MUC5B: variants seen among roughly 807,000 people sequenced by gnomAD.
The protein encoded by MUC5B is mucin-5B.
In MUC5B, 116 loss-of-function variants were observed where a neutral mutation model predicts 376.9. The ratio of observed to expected loss-of-function variants is 0.31; its 90% CI spans 0.26 to 0.36. The LOEUF (loss-of-function observed/expected upper bound fraction) is 0.36, where lower values mean the gene tolerates loss of function less well. MUC5B is among the 10% of genes least tolerant of loss of function. The pLI, the probability that MUC5B is intolerant of heterozygous loss-of-function variation, is 1.00. For missense variants in MUC5B, 7,165 were observed against 7,769.9 expected (o/e 0.92, Z 2.93); for synonymous variants, 3,517 against 3,390.9 (o/e 1.04, Z -1.29).
Position 1,229,820 on chromosome 11 carries a change from C to T in MUC5B, c.1220+13C>T. 6.3e-7 allele frequency: 1 copy of T among 1,581,050 alleles called. No individual in the cohort carries two copies. The highest frequency in any genetic ancestry group is 8.6e-7 in the Non-Finnish European group (1 of 1,165,030). The stretch of plus-strand genomic sequence containing the variant: ...CCTGCAGCTCCTGGTACTTATGAGC[C>T]CACCAGCCTCCGCCTGGGGTGGGGT... On this transcript the variant is annotated intron_variant, in intron 10 of 48. Transcript: ENST00000529681.
Position 1,244,214 on chromosome 11 carries a change from C to A in MUC5B, c.7334C>A (p.Thr2445Lys), listed in dbSNP as rs756364374. 3.7e-6 allele frequency: 6 copies of A among 1,612,072 alleles called. No individual in the cohort carries two copies. The highest frequency in any genetic ancestry group is 3.3e-5 in the Admixed American group (2 of 59,954). ...ILTELTTTAT[T>K]TESTGSTATP... ...ACAGAGCTGACCACAACAGCCACTA[C>A]GACTGAGTCCACTGGATCCACGGCC... The change falls in exon 31 of 49, where the codon ACG (threonine) becomes AAG (lysine). Residue 2445 changes from threonine (T) to lysine (K), a missense_variant. This residue lies in a region of MUC5B where 194 missense variants were observed against 268.5 expected (regional missense o/e 0.72). Transcript: ENST00000529681.
intron 34 of MUC5B, 116 bp from the exon 35 acceptor site, chr11:1,254,578 G>A: frequency 1.6e-6 from 2 of 1,260,610 alleles, no homozygotes; most frequent in South Asian, 1.5e-5. Flanking sequence ...GGGCTTTGGG[G>A]TGGGGGATAC....
rs1442277834 is a variant in MUC5B at position 1,241,910 on chromosome 11, C to T, written c.5030C>T (p.Pro1677Leu). The change falls in exon 31 of 49, where the codon CCT (proline) becomes CTT (leucine). Residue 1677 changes from proline (P) to leucine (L), a missense_variant. Physicochemically the swap from Pro to Leu is moderately conservative, Grantham distance 98. Transcript: ENST00000529681. ...GTATTGGPTTPAGSTEPTVPG... is the reference protein window; with the variant it reads ...GTATTGGPTTLAGSTEPTVPG... ...GCCACCACGGGAGGCCCCACGACGCCTGCAGGCTCCACAGAACCCACTGTC... is the reference window on the plus strand; with the variant it reads ...GCCACCACGGGAGGCCCCACGACGCTTGCAGGCTCCACAGAACCCACTGTC... The T allele has an allele frequency of 6.2e-7, 1 of 1,610,422 alleles. No individual in the cohort carries two copies. Among genetic ancestry groups the T allele is most frequent in the East Asian group, 2.2e-5 (1 of 44,674 alleles).
rs1168439959 is a variant in MUC5B, at chr11:1,248,877, C to A, written c.11997C>A (p.Thr3999=). The A allele has an allele frequency of 1.3e-6, 2 of 1,548,532 alleles. No homozygotes were observed. The highest frequency in any genetic ancestry group is 2.8e-5 in the African/African-American group (2 of 72,282). The part of the protein sequence containing the change: ...TVTPSSALGT[T]HTPPVPNTTA... ...CTCCCTCCTCTGCCCTAGGGACCAC[C>A]CACACACCCCCAGTGCCGAACACCA... is the stretch of plus-strand genomic sequence containing the variant. The change falls in exon 31 of 49, where the codon ACC becomes ACA. Residue 3999 remains threonine (T), a synonymous_variant. Coordinates refer to ENST00000529681, the MANE Select transcript of MUC5B (RefSeq NM_002458.3).
chr11:1,250,956 C>A lies in MUC5B; in HGVS notation c.14076C>A (p.Ser4692=). 1 of 1,610,836 alleles carries A rather than the reference C, an allele frequency of 6.2e-7. No individual in the cohort carries two copies. The highest frequency in any genetic ancestry group is 8.5e-7 in the Non-Finnish European group (1 of 1,178,210). Reference sequence around the variant, plus strand: ...CCACTACGATCACGGCCACCGGCTCCACCACCAACCCCTCCTCAACTCCAG... The same window carrying A: ...CCACTACGATCACGGCCACCGGCTCAACCACCAACCCCTCCTCAACTCCAG... ...TTATTITATG[S]TTNPSSTPGT... Residue 4692 remains serine (S), a synonymous_variant, in exon 31 of 49, where the codon TCC becomes TCA. Transcript: ENST00000529681.
chr11:1,246,352 C>G lies in MUC5B; in HGVS notation c.9472C>G (p.Pro3158Ala), dbSNP rs369348735. ...TGPTATPSST[P>A]GTTWILTEPS... ...CCCCACGGCCACCCCGTCCTCCACC[C>G]CAGGGACCACCTGGATCCTCACAGA... Residue 3158 changes from proline to alanine, a missense_variant, in exon 31 of 49, where the codon CCA (proline) becomes GCA (alanine). Around this residue, in one of 31 missense-constraint regions of MUC5B, gnomAD observed 939 missense variants for 770.6 expected, o/e 1.22. Transcript: ENST00000529681. The G allele has an allele frequency of 6.7e-5, 107 of 1,604,118 alleles. No homozygotes were observed. In the East Asian group the frequency reaches 1.2e-3, roughly 18 times the overall value.
chr11:1,249,102 G>A lies in MUC5B; in HGVS notation c.12222G>A (p.Arg4074=), dbSNP rs369114115. Residue 4074 remains arginine, a synonymous_variant, in exon 31 of 49, where the codon AGG becomes AGA. Coordinates refer to ENST00000529681, the MANE Select transcript of MUC5B (RefSeq NM_002458.3). The part of the protein sequence containing the change: ...PALSSPHPSS[R]TTESPPSPGT... Reference sequence around the variant, plus strand: ...TGTCCAGCCCTCACCCTAGCAGCAGGACCACCGAGTCACCCCCTTCCCCAG... The same window carrying A: ...TGTCCAGCCCTCACCCTAGCAGCAGAACCACCGAGTCACCCCCTTCCCCAG... 1.2e-5 allele frequency: 20 copies of A among 1,607,512 alleles called. No individual in the cohort carries two copies. Among genetic ancestry groups the A allele is most frequent in the African/African-American group, 5.4e-5 (4 of 73,410 alleles).
chr11:1,232,646 C>A lies in MUC5B; in HGVS notation c.1941C>A (p.Asn647Lys). The A allele has an allele frequency of 6.2e-7, 1 of 1,602,254 alleles. No homozygotes were observed. The change falls in exon 17 of 49, where the codon AAC (asparagine) becomes AAA (lysine). Residue 647 changes from asparagine (N) to lysine (K), a missense_variant and splice_region_variant. Coordinates refer to ENST00000529681, the MANE Select transcript of MUC5B (RefSeq NM_002458.3). ...SIINPKPFHS[N>K]CMFDTCNCER... is the part of the protein sequence containing the mutation. Reference sequence around the variant, plus strand: ...CCCGATGCCTCCCACCTCCGCAGAACTGCATGTTTGACACCTGCAACTGTG... The same window carrying A: ...CCCGATGCCTCCCACCTCCGCAGAAATGCATGTTTGACACCTGCAACTGTG...
Position 1,257,979 on chromosome 11 carries a change from C to G in MUC5B, c.16451-120C>G. 2 of 1,084,786 alleles carry G rather than the reference C, an allele frequency of 1.8e-6. No individual in the cohort carries two copies. The highest frequency in any genetic ancestry group is 2.7e-6 in the Non-Finnish European group (2 of 746,308). The allele number at this position is 1,084,786 out of a possible 1,614,324, so 67.2% of individuals were successfully genotyped here. A position where few individuals can be genotyped will look rare whatever the true frequency, so the allele number is the denominator to read the frequency against. Reference sequence around the variant, plus strand: ...CCAAGCAAGGGGCCTGGAGGGAGCCCCCAGGGGCTGTGAAGCGGTCAGGTC... The same window carrying G: ...CCAAGCAAGGGGCCTGGAGGGAGCCGCCAGGGGCTGTGAAGCGGTCAGGTC... On this transcript the variant is annotated intron_variant, in intron 41 of 48. Coordinates refer to ENST00000529681, the MANE Select transcript of MUC5B (RefSeq NM_002458.3). The surrounding 1 kb of genome is among the most constrained non-coding windows in gnomAD (Gnocchi z 8.9).
intron 26 of MUC5B, 154 bp downstream of exon 26, chr11:1,239,181 A>G: frequency 9.7e-7 from 1 of 1,030,818 alleles, no homozygotes; most frequent in South Asian, 1.5e-5. Flanking sequence ...GTTTCTATGC[A>G]CAGAGGAAGA....
Position 1,227,065 on chromosome 11 carries a change from G to A in MUC5B, c.496G>A (p.Val166Met). Residue 166 changes from valine (V) to methionine (M), a missense_variant, in exon 5 of 49, where the codon GTG becomes ATG. Around this residue, in one of 31 missense-constraint regions of MUC5B, gnomAD observed 640 missense variants for 733.0 expected, o/e 0.87. Transcript: ENST00000529681. Reference sequence around the variant, plus strand: ...GCCTTACAGCCGCACTGGCCTCCTGGTGGAGCAGAGCGGGGACTACATCAA... The same window carrying A: ...GCCTTACAGCCGCACTGGCCTCCTGATGGAGCAGAGCGGGGACTACATCAA... ...ELPYSRTGLL[V>M]EQSGDYIKVS... The A allele has an allele frequency of 6.2e-7, 1 of 1,612,204 alleles. No homozygotes were observed. The highest frequency in any genetic ancestry group is 8.5e-7 in the Non-Finnish European group (1 of 1,179,562).
At position 1,250,333 on chromosome 11, in the gene MUC5B, G is replaced by C; in HGVS notation, c.13453G>C (p.Ala4485Pro). 6.2e-7 allele frequency: 1 copy of C among 1,612,388 alleles called. No individual in the cohort carries two copies. The highest frequency in any genetic ancestry group is 8.5e-7 in the Non-Finnish European group (1 of 1,179,338). The change falls in exon 31 of 49, where the codon GCC becomes CCC. Residue 4485 changes from alanine (A) to proline (P), a missense_variant. By Grantham distance (27) the Ala-to-Pro change is conservative. Transcript: ENST00000529681. ...TGGCACCCCACATGTGAGCACCACG[G>C]CCACGACACCCACAGTCACCAGCTC... ...TAGTPHVSTT[A>P]TTPTVTSSKA...
At position 1,233,242 on chromosome 11, in the gene MUC5B, G is replaced by A. The variant is rs1862074906; in HGVS notation, c.2295G>A (p.Glu765=). 7 of 1,584,524 alleles carry A rather than the reference G, an allele frequency of 4.4e-6. No individual in the cohort carries two copies. Among genetic ancestry groups the A allele is most frequent in the Non-Finnish European group, 6.0e-6 (7 of 1,167,512 alleles). ...ACGGCACCGTGCTGGCTCCTGGAGA[G>A]GTGGTGCACGACGAGGGCGCCGTGT... ...YAHGTVLAPG[E]VVHDEGAVCS... The change falls in exon 18 of 49, where the codon GAG becomes GAA. Residue 765 remains glutamate, a synonymous_variant. Coordinates refer to ENST00000529681, the MANE Select transcript of MUC5B (RefSeq NM_002458.3).
chr11:1,252,397 G>A lies in MUC5B; in HGVS notation c.14918G>A (p.Cys4973Tyr). The change falls in exon 32 of 49, where the codon TGC (cysteine) becomes TAC (tyrosine). Residue 4973 changes from cysteine (C) to tyrosine (Y), a missense_variant. Physicochemically the swap from Cys to Tyr is radical, Grantham distance 194. Transcript: ENST00000529681. ...GCCGGCTGCCATTTCTACGCAGTGTGCAATCAGCACTGTGACATTGACCGC... is the reference window on the plus strand; with the variant it reads ...GCCGGCTGCCATTTCTACGCAGTGTACAATCAGCACTGTGACATTGACCGC... The part of the protein sequence containing the change: ...DRAGCHFYAV[C>Y]NQHCDIDRFQ... 1 of 1,608,208 alleles carries A rather than the reference G, an allele frequency of 6.2e-7. No individual in the cohort carries two copies. Among genetic ancestry groups the A allele is most frequent in the Non-Finnish European group, 8.5e-7 (1 of 1,177,506 alleles).
chr11:1,255,528 G>A lies in MUC5B; in HGVS notation c.16036G>A (p.Asp5346Asn). Reference sequence around the variant, plus strand: ...CTGCCGCGCCCGGGGAGTGTGCAGTGACTGGCGAGGTGCAACCGGTGGCCT... The same window carrying A: ...CTGCCGCGCCCGGGGAGTGTGCAGTAACTGGCGAGGTGCAACCGGTGGCCT... ...ELCRARGVCS[D>N]WRGATGGLCD... Residue 5346 changes from aspartate (D) to asparagine (N), a missense_variant, in exon 37 of 49, where the codon GAC becomes AAC. Physicochemically the swap from Asp to Asn is conservative, Grantham distance 23. Coordinates refer to ENST00000529681, the MANE Select transcript of MUC5B (RefSeq NM_002458.3). The A allele has an allele frequency of 6.5e-7, 1 of 1,542,864 alleles. No homozygotes were observed. Among genetic ancestry groups the A allele is most frequent in the Non-Finnish European group, 8.8e-7 (1 of 1,141,780 alleles).
At position 1,242,841 on chromosome 11, in the gene MUC5B, C is replaced by G. The variant is rs1207324583; in HGVS notation, c.5961C>G (p.Ser1987=). The G allele has an allele frequency of 6.2e-7, 1 of 1,613,400 alleles. No homozygotes were observed. The highest frequency in any genetic ancestry group is 8.5e-7 in the Non-Finnish European group (1 of 1,179,668). ...GCGTTACACCCATCCCCTCTTCCTC[C>G]CTGGGCACCACCTGGACCCGCCTAT... ...ATSVTPIPSS[S]LGTTWTRLSQ... Residue 1987 remains serine (S), a synonymous_variant, in exon 31 of 49, where the codon TCC becomes TCG. Transcript: ENST00000529681.
intron 13 of MUC5B, 81 bp from the exon 14 acceptor site, chr11:1,231,342 C>T (rs1352071014): frequency 1.4e-6 from 2 of 1,478,192 alleles, no homozygotes; most frequent in Non-Finnish European, 1.8e-6. Context: ...GGTGGCCCGG[C>T]CCACTGGATG....
chr11:1,239,616 G>A, intron 27 of MUC5B, 50 bp downstream of exon 27: 4 of 1,530,638 alleles, frequency 2.6e-6, no homozygotes, highest in Non-Finnish European at 3.5e-6. Flanking sequence ...GGGTTCCCGA[G>A]TGTACGTGGG....
rs201746407 is a variant in MUC5B at position 1,257,533 on chromosome 11, G to A, written c.16273G>A (p.Gly5425Arg). The change falls in exon 41 of 49, where the codon GGG becomes AGG. Residue 5425 changes from glycine to arginine, a missense_variant. Physicochemically the swap from Gly to Arg is moderately radical, Grantham distance 125. This residue lies in a region of MUC5B where 842 missense variants were observed against 1,016.9 expected (regional missense o/e 0.83). Coordinates refer to ENST00000529681, the MANE Select transcript of MUC5B (RefSeq NM_002458.3). This position sits in a 1 kb window ranked among gnomAD's most constrained non-coding sequence, Gnocchi z 8.9. ...GGACCCCCTTGATCCATTCCAGCCCGGGGAGCGGTGGGTCAGCAACTGCCA... is the reference window on the plus strand; with the variant it reads ...GGACCCCCTTGATCCATTCCAGCCCAGGGAGCGGTGGGTCAGCAACTGCCA... ...VGPDGFPKFP[G>R]ERWVSNCQSC... The A allele has an allele frequency of 1.8e-4, 288 of 1,608,154 alleles. 1 individual carries two copies. In the African/African-American group the frequency reaches 3.1e-3, roughly 17 times the overall value.
Sources: allele counts gnomAD v4.1 joint callset, GRCh38; gene constraint gnomAD v4.1.1; regional missense constraint gnomAD v4.1.1; non-coding constraint Gnocchi (gnomAD v3.1); transcripts MANE v1.5; gene names NCBI Gene and HGNC (gene_info 2026-07-23, HGNC 2026-07-21).